Variants in SLC9A8 observed in about 807,000 individuals in gnomAD.
SLC9A8 encodes the protein sodium/hydrogen exchanger 8.
A neutral mutation model predicts 66.6 loss-of-function variants in SLC9A8; 48 were observed. The ratio of observed to expected loss-of-function variants is 0.72; its 90% CI spans 0.57 to 0.92. SLC9A8 has a LOEUF of 0.92. SLC9A8 is among the 40% of genes least tolerant of loss of function. The pLI is 0.00. For missense variants in SLC9A8, 599 were observed against 747.3 expected, an observed-to-expected ratio of 0.80 and a Z score of 2.31; for synonymous variants, 274 against 282.6, an observed-to-expected ratio of 0.97 and a Z score of 0.31.
intron 13 of SLC9A8, among the ~76,000 whole-genome samples, chr20:49,882,589 G>T (rs1164506401): frequency 6.6e-6 from 1 of 152,172 alleles, no homozygotes; most frequent in Non-Finnish European, 1.5e-5. Flanking sequence ...TCCCAAAGCT[G>T]TTCCCGCGAA....
At chr20:49,825,692 G>A (rs2086890549) in intron 3 of SLC9A8, among the ~76,000 whole-genome samples, 1 of 152,108 alleles carries the variant, frequency 6.6e-6, no homozygotes, top group South Asian at 2.1e-4. Flanking sequence ...CTCACCTCTT[G>A]ACTCATGTAA....
chr20:49,887,769 C>T, intron 15 of SLC9A8, 60 bp from the exon 16 acceptor site: 1 of 1,345,656 alleles, frequency 7.4e-7, no homozygotes, highest in South Asian at 1.3e-5. Flanking sequence ...AGTAGCATCC[C>T]CTCCCTTCCA....
chr20:49,862,224 C>T (rs533937547), intron 8 of SLC9A8, among the ~76,000 whole-genome samples: 17 of 152,222 alleles, frequency 1.1e-4, no homozygotes, highest in African/African-American at 3.6e-4. Flanking sequence ...CTGGGCAAGT[C>T]GTCTTTATCC....
rs183476718 is a variant in SLC9A8 at position 49,816,945 on chromosome 20, G to T, written c.208+1756G>T. Among the ~76,000 whole-genome samples the T allele has an allele frequency of 2.5e-3, 375 of 151,926 alleles. 3 individuals are homozygous for T. Among genetic ancestry groups the T allele is most frequent in the Middle Eastern group, 3.4e-3 (1 of 292 alleles). On this transcript the variant is annotated intron_variant, in intron 2 of 15. Transcript: ENST00000361573. The stretch of plus-strand genomic sequence containing the variant: ...GCATTTCATTCTGTTGGCCAGGATG[G>T]TCTCAATCTCCTGACCTCGTGATCC...
chr20:49,857,826 T>C (rs1236179957), intron 8 of SLC9A8, among the ~76,000 whole-genome samples: 1 of 151,926 alleles, frequency 6.6e-6, no homozygotes, highest in African/African-American at 2.4e-5. Context: ...TTCACCACAT[T>C]TGCCCAGTTT....
intron 2 of SLC9A8, among the ~76,000 whole-genome samples, chr20:49,816,324 G>T (rs894385917): frequency 6.6e-6 from 1 of 152,066 alleles, no homozygotes; most frequent in Non-Finnish European, 1.5e-5. Context: ...GGAGGCTGAG[G>T]CAGGAGAATT....
At chr20:49,830,828 A>T in intron 3 of SLC9A8, 4 of 1,418,638 alleles carry the variant, frequency 2.8e-6, no homozygotes, top group Non-Finnish European at 4.0e-6. Context: ...CCCAGCAGAC[A>T]CTCTTGGACA....
chr20:49,837,500 T>C (rs1221560902), intron 3 of SLC9A8, among the ~76,000 whole-genome samples: 2 of 152,214 alleles, frequency 1.3e-5, no homozygotes, highest in Non-Finnish European at 2.9e-5. Flanking sequence ...TTCATGTGTT[T>C]CTCAGCCATT....
At position 49,887,927 on chromosome 20, in the gene SLC9A8, G is replaced by A; in HGVS notation, c.1737G>A (p.Glu579=). The change falls in exon 16 of 16, where the codon GAG becomes GAA. Residue 579 remains glutamate (E), a synonymous_variant. Transcript: ENST00000361573. ...CCGGCTCCGAGGACGACGAGCAGGA[G>A]CTGCTCTGACGCCAGGTGCCAAGGC... ...GPSGSEDDEQ[E]LL 1 of 1,613,354 alleles carries A rather than the reference G, an allele frequency of 6.2e-7. No individual in the cohort carries two copies. Among genetic ancestry groups the A allele is most frequent in the Non-Finnish European group, 8.5e-7 (1 of 1,179,606 alleles).
At chr20:49,837,004 C>T (rs914714597) in intron 3 of SLC9A8, among the ~76,000 whole-genome samples, 5 of 152,118 alleles carry the variant, frequency 3.3e-5, no homozygotes, top group African/African-American at 1.2e-4. Context: ...GTTAACATAC[C>T]TCCCTCTCAA....
chr20:49,864,214 A>G (rs2088869692), intron 9 of SLC9A8, among the ~76,000 whole-genome samples: 2 of 152,222 alleles, frequency 1.3e-5, no homozygotes, highest in Non-Finnish European at 2.9e-5. Flanking sequence ...CTCCAGGAAT[A>G]GGAAATACTG....
intron 4 of SLC9A8, among the ~76,000 whole-genome samples, chr20:49,842,053 TA>T (rs2087785992): frequency 6.9e-6 from 1 of 144,792 alleles, no homozygotes; most frequent in East Asian, 2.3e-4. Flanking sequence ...TATTTTATTT[TA>T]TTTTATTTTT....
intron 14 of SLC9A8, among the ~76,000 whole-genome samples, chr20:49,884,815 G>A (rs902937116): frequency 1.3e-5 from 2 of 152,132 alleles, no homozygotes; most frequent in East Asian, 1.9e-4. Context: ...CTGCCTTCCC[G>A]CCCTGTCTTC....
chr20:49,847,179 G>A (rs542163153), intron 5 of SLC9A8, among the ~76,000 whole-genome samples: 1 of 150,760 alleles, frequency 6.6e-6, no homozygotes, highest in East Asian at 1.9e-4. Context: ...ATATTCACAA[G>A]TCTTACAAAC....
At chr20:49,871,016 AACT>A (rs2146707044) in intron 10 of SLC9A8, among the ~76,000 whole-genome samples, 1 of 152,332 alleles carries the variant, frequency 6.6e-6, no homozygotes, top group African/African-American at 2.4e-5. Flanking sequence ...TTTAAAGATA[AACT>A]TTATAATCAC....
chr20:49,831,454 G>A (rs1469940730), intron 3 of SLC9A8, among the ~76,000 whole-genome samples: 1 of 151,140 alleles, frequency 6.6e-6, no homozygotes, highest in Admixed American at 6.6e-5. Flanking sequence ...TCTCACCCCA[G>A]GATAGAAACT....
intron 3 of SLC9A8, among the ~76,000 whole-genome samples, chr20:49,834,181 C>CTATATA (rs1429672333): frequency 2.0e-4 from 9 of 46,148 alleles, no homozygotes; most frequent in Non-Finnish European, 3.1e-4. Flanking sequence ...CTCTCTCTCT[C>CTATATA]TCTCTATATA....
At chr20:49,820,774 AC>A (rs1432837122) in intron 2 of SLC9A8, among the ~76,000 whole-genome samples, 4 of 151,774 alleles carry the variant, frequency 2.6e-5, no homozygotes, top group Non-Finnish European at 4.4e-5. Flanking sequence ...TTGAACTCCG[AC>A]CTCAGGTGAT....
chr20:49,886,730 G>T lies in SLC9A8; in HGVS notation c.1492-22G>T, dbSNP rs1211478607. On this transcript the variant is annotated intron_variant, in intron 14 of 15. Transcript: ENST00000361573. This position sits in a 1 kb window ranked among gnomAD's most constrained non-coding sequence, Gnocchi z 4.8. ...GATGGTGCCAGCTGGTGGCCGTCGG[G>T]CCGCCTTTCCTCCCTGCTCAGGGCA... 1 of 1,603,592 alleles carries T rather than the reference G, an allele frequency of 6.2e-7. No individual in the cohort carries two copies. The highest frequency in any genetic ancestry group is 1.1e-5 in the South Asian group (1 of 89,840).
Sources: allele counts gnomAD v4.1 joint callset (sites outside exome capture counted in the v4.1 genomes callset), GRCh38; gene constraint gnomAD v4.1.1; non-coding constraint Gnocchi (gnomAD v3.1); transcripts MANE v1.5; gene names NCBI Gene and HGNC (gene_info 2026-07-23, HGNC 2026-07-21).